TTLL6: variants seen among roughly 807,000 people sequenced by gnomAD.
TTLL6 encodes tubulin tyrosine ligase like 6.
A neutral mutation model predicts 96.4 loss-of-function variants in TTLL6; 75 were observed. That is an observed-to-expected ratio of 0.78 (90% confidence interval 0.65 to 0.94). The LOEUF is 0.94. Ranked by LOEUF, TTLL6 falls within the 40% of genes least tolerant of loss-of-function variation. TTLL6 has a pLI of 0.00. For missense variants in TTLL6, 1,030 were observed against 1,093.0 expected (o/e 0.94, Z 0.81); for synonymous variants, 411 against 419.4 (o/e 0.98, Z 0.24).
chr17:48,792,151 G>A (rs563132632), intron 8 of TTLL6, among the ~76,000 whole-genome samples: 16 of 152,298 alleles, frequency 1.1e-4, no homozygotes, highest in Non-Finnish European at 2.4e-4. Flanking sequence ...AGGCAAACTG[G>A]ACTGTCCCAG....
intron 3 of TTLL6, among the ~76,000 whole-genome samples, chr17:48,802,246 G>C (rs1025285067): frequency 5.9e-5 from 9 of 152,280 alleles, no homozygotes; most frequent in Non-Finnish European, 1.0e-4. Flanking sequence ...TGATTTCCCT[G>C]TTCTGGCTTC....
intron 3 of TTLL6, among the ~76,000 whole-genome samples, chr17:48,802,058 GA>G (rs1314284697): frequency 8.7e-6 from 1 of 114,764 alleles, no homozygotes; most frequent in Admixed American, 1.0e-4. Context: ...AAGAAAGAAA[GA>G]AAAGAAAAGA....
chr17:48,785,247 C>G (rs1238738102), intron 12 of TTLL6, 46 bp from the exon 13 acceptor site: 2 of 1,611,472 alleles, frequency 1.2e-6, no homozygotes, highest in Non-Finnish European at 1.7e-6. Flanking sequence ...GAACCCAGCT[C>G]TATCCACTTC....
At chr17:48,798,751 A>G (rs1228999136) in intron 6 of TTLL6, among the ~76,000 whole-genome samples, 1 of 152,148 alleles carries the variant, frequency 6.6e-6, no homozygotes, top group Non-Finnish European at 1.5e-5. Flanking sequence ...AAGAAATAAA[A>G]ATAAAATAAA....
chr17:48,780,980 T>C (rs1330478443), intron 13 of TTLL6, among the ~76,000 whole-genome samples: 1 of 152,126 alleles, frequency 6.6e-6, no homozygotes, highest in Non-Finnish European at 1.5e-5. Flanking sequence ...CTTTTTGAGA[T>C]CCTGTTTTCA....
Position 48,796,094 on chromosome 17 carries a change from T to A in TTLL6, c.965A>T (p.Asn322Ile). The A allele has an allele frequency of 6.4e-7, 1 of 1,551,438 alleles. No individual in the cohort carries two copies. The highest frequency in any genetic ancestry group is 8.7e-7 in the Non-Finnish European group (1 of 1,146,850). ...GCCAGAGTGTGCATCTCGACTGAAA[T>A]TTGAACTGTGCTTATTAATGGAATA... ...TNYSINKHSS[N>I]FSRDAHSGSK... The change falls in exon 8 of 16, where the codon AAT becomes ATT. Residue 322 changes from asparagine to isoleucine, a missense_variant. Coordinates refer to ENST00000393382, the MANE Select transcript of TTLL6 (RefSeq NM_001130918.3).
At position 48,803,265 on chromosome 17, in the gene TTLL6, C is replaced by T. The variant is rs368059577; in HGVS notation, c.361+626G>A. 5.8e-4 allele frequency among the ~76,000 whole-genome samples: 89 copies of T among 152,174 alleles called. 1 individual carries two copies. Among genetic ancestry groups the T allele is most frequent in the African/African-American group, 2.0e-3 (84 of 41,542 alleles). On this transcript the variant is annotated intron_variant, in intron 3 of 15. Transcript: ENST00000393382. ...ATCCCAGCACTTTGGGAGGCCGAGG[C>T]GGGTGGATCACTTGAGGTCAGGAGT... is the stretch of plus-strand genomic sequence containing the variant.
chr17:48,788,147 CTG>C, intron 10 of TTLL6, 148 bp from the exon 11 acceptor site: 1 of 718,482 alleles, frequency 1.4e-6, no homozygotes, highest in Non-Finnish European at 2.3e-6. Context: ...AAATGCATGA[CTG>C]TTTCCCTGAA....
At position 48,786,307 on chromosome 17, in the gene TTLL6, G is replaced by A. The variant is rs202210487; in HGVS notation, c.1618C>T (p.Arg540Trp). The part of the protein sequence containing the change: ...RQLIQELRLK[R>W]EKKPFQMKKK... ...TTCATTTGGAAGGGCTTTTTCTCCC[G>A]TTTTAGTCTCAGCTCCTGGATCAGT... Residue 540 changes from arginine (R) to tryptophan (W), a missense_variant, in exon 12 of 16, where the codon CGG (arginine) becomes TGG (tryptophan). By Grantham distance (101) the Arg-to-Trp change is moderately radical. Coordinates refer to ENST00000393382, the MANE Select transcript of TTLL6 (RefSeq NM_001130918.3). 139 of 1,614,166 alleles carry A rather than the reference G, an allele frequency of 8.6e-5. No individual in the cohort carries two copies. In the East Asian group the frequency reaches 1.0e-3, roughly 12 times the overall value.
intron 13 of TTLL6, among the ~76,000 whole-genome samples, chr17:48,782,916 T>C (rs1016199290): frequency 2.0e-5 from 3 of 152,004 alleles, no homozygotes; most frequent in Non-Finnish European, 4.4e-5. Context: ...TTTCATCATG[T>C]TGCCGAGGCT....
At chr17:48,795,846 C>G (rs757852027) in intron 8 of TTLL6, among the ~76,000 whole-genome samples, 28 of 152,262 alleles carry the variant, frequency 1.8e-4, no homozygotes, top group Middle Eastern at 3.4e-3. Flanking sequence ...TCCCAGCCTC[C>G]CAGGGTTTAC....
intron 1 of TTLL6, among the ~76,000 whole-genome samples, chr17:48,813,325 G>C (rs2039620853): frequency 7.8e-6 from 1 of 127,472 alleles, no homozygotes; most frequent in African/African-American, 3.0e-5. Context: ...GGAGGCCAAG[G>C]TGGGCAGAGC....
intron 3 of TTLL6, among the ~76,000 whole-genome samples, chr17:48,803,473 G>A (rs1199884101): frequency 7.0e-6 from 1 of 141,898 alleles, no homozygotes; most frequent in Non-Finnish European, 1.5e-5. Context: ...TCCAGAGCAA[G>A]ATTCCGTGTC....
chr17:48,789,971 G>A lies in TTLL6; in HGVS notation c.1360C>T (p.Arg454Trp), dbSNP rs759460307. ...KKKVLEEERQ[R>W]GQFLQQCCSR... Reference sequence around the variant, plus strand: ...CAACACTGCTGCAGGAACTGCCCCCGTTGTCTCTCCTCCTCCAAGACTTTC... The same window carrying A: ...CAACACTGCTGCAGGAACTGCCCCCATTGTCTCTCCTCCTCCAAGACTTTC... The change falls in exon 10 of 16, where the codon CGG becomes TGG. Residue 454 changes from arginine (R) to tryptophan (W), a missense_variant. By Grantham distance (101) the Arg-to-Trp change is moderately radical. Coordinates refer to ENST00000393382, the MANE Select transcript of TTLL6 (RefSeq NM_001130918.3). The A allele has an allele frequency of 8.7e-6, 14 of 1,614,034 alleles. No individual in the cohort carries two copies. Among genetic ancestry groups the A allele is most frequent in the Admixed American group, 3.3e-5 (2 of 60,006 alleles).
intron 13 of TTLL6, among the ~76,000 whole-genome samples, chr17:48,784,658 A>C (rs1185404915): frequency 6.6e-6 from 1 of 152,098 alleles, no homozygotes; most frequent in Non-Finnish European, 1.5e-5. Context: ...GCCTCCACCA[A>C]GTTGGAGGCA....
intron 2 of TTLL6, 159 bp from the exon 3 acceptor site, chr17:48,804,087 C>T: frequency 1.4e-6 from 1 of 711,456 alleles, no homozygotes; most frequent in Non-Finnish European, 2.4e-6. Context: ...GACACGAGTC[C>T]AAGGGGGTAC....
At chr17:48,768,553 A>T (rs1170436244) in intron 15 of TTLL6, among the ~76,000 whole-genome samples, 1 of 152,124 alleles carries the variant, frequency 6.6e-6, no homozygotes, top group African/African-American at 2.4e-5. Flanking sequence ...TACAGGCATG[A>T]GCCACTGCAC....
Position 48,770,002 on chromosome 17 carries a change from C to T in TTLL6, c.2136G>A (p.Glu712=). ...CCCTGTCCGTCTCTGGGCCACTGTA[C>T]TCAGAGCTGGCGGTCACAGCCAGGG... ...PPTLAVTASS[E]YSGPETDRVV... Residue 712 remains glutamate, a synonymous_variant, in exon 14 of 16, where the codon GAG becomes GAA. Coordinates refer to ENST00000393382, the MANE Select transcript of TTLL6 (RefSeq NM_001130918.3). 1.2e-6 allele frequency: 2 copies of T among 1,613,792 alleles called. No homozygotes were observed. Among genetic ancestry groups the T allele is most frequent in the East Asian group, 4.5e-5 (2 of 44,872 alleles).
intron 10 of TTLL6, among the ~76,000 whole-genome samples, chr17:48,788,217 C>T (rs1176020109): frequency 1.3e-5 from 2 of 152,240 alleles, no homozygotes; most frequent in Non-Finnish European, 2.9e-5. Flanking sequence ...AGCTGGTTAG[C>T]ACAGTCTTTC....
Sources: gnomAD v4.1 joint callset for allele counts (sites outside exome capture counted in the v4.1 genomes callset) on GRCh38, gnomAD v4.1.1 for gene constraint, MANE v1.5 for transcripts, NCBI Gene and HGNC (gene_info 2026-07-23, HGNC 2026-07-21) for gene names.